PLEKHG1: variants seen among roughly 807,000 people sequenced by gnomAD.
PLEKHG1 encodes pleckstrin homology and RhoGEF domain containing G1.
A neutral mutation model predicts 100.8 loss-of-function variants in PLEKHG1; 44 were observed. That is an observed-to-expected ratio of 0.44 (90% confidence interval 0.34 to 0.56). The LOEUF (loss-of-function observed/expected upper bound fraction) is 0.56, where lower values mean the gene tolerates loss of function less well. PLEKHG1 is among the 20% of genes least tolerant of loss of function. The pLI is 0.01. For missense variants in PLEKHG1, 1,545 were observed against 1,720.9 expected (o/e 0.90, Z 1.81); for synonymous variants, 640 against 662.5 (o/e 0.97, Z 0.52).
At chr6:150,671,866 C>G (rs1562425697) in intron 3 of PLEKHG1, among the ~76,000 whole-genome samples, 1 of 152,158 alleles carries the variant, frequency 6.6e-6, no homozygotes, top group Non-Finnish European at 1.5e-5. Flanking sequence ...AGGACTAGCT[C>G]TTGCACAGCC....
At chr6:150,821,487 T>G (rs1416221115) in intron 13 of PLEKHG1, among the ~76,000 whole-genome samples, 1 of 152,020 alleles carries the variant, frequency 6.6e-6, no homozygotes, top group African/African-American at 2.4e-5. Flanking sequence ...ACTTCGAGAC[T>G]AGCCTGGCCA....
chr6:150,649,539 A>T (rs1778629865), intron 2 of PLEKHG1, among the ~76,000 whole-genome samples: 1 of 152,204 alleles, frequency 6.6e-6, no homozygotes, highest in African/African-American at 2.4e-5. Flanking sequence ...TTTTAATTTT[A>T]AAACTCTGCA....
intron 2 of PLEKHG1, among the ~76,000 whole-genome samples, chr6:150,754,855 A>G (rs1583061430): frequency 6.6e-6 from 1 of 152,098 alleles, no homozygotes; most frequent in East Asian, 1.9e-4. Context: ...TTATTAGTAG[A>G]GACAGGATTT....
Position 150,622,611 on chromosome 6 carries a change from C to G in PLEKHG1, c.-203-15469C>G, listed in dbSNP as rs1045532760. Among the ~76,000 whole-genome samples, 3 of 152,324 alleles carry G rather than the reference C, an allele frequency of 2.0e-5. No homozygotes were observed. The East Asian group carries it at 5.8e-4, about 29-fold the overall frequency. ...CATTTCCACCCCTCACCAGCCTCCC[C>G]CTCCCAGTGTAGACAGAATTAGTAG... On this transcript the variant is annotated intron_variant, in intron 1 of 3. Transcript: ENST00000367326.
intron 2 of PLEKHG1, among the ~76,000 whole-genome samples, chr6:150,739,675 A>C (rs993109888): frequency 2.0e-5 from 3 of 152,194 alleles, no homozygotes; most frequent in South Asian, 2.1e-4. Context: ...CAAAAAAAAA[A>C]ACAAAAAAAC....
chr6:150,816,023 T>C (rs766415129), intron 10 of PLEKHG1, among the ~76,000 whole-genome samples: 34 of 152,132 alleles, frequency 2.2e-4, no homozygotes, highest in Non-Finnish European at 4.6e-4. Flanking sequence ...CATGGTAATA[T>C]ATAATGAAAT....
intron 1 of PLEKHG1, among the ~76,000 whole-genome samples, chr6:150,723,388 C>T (rs1781799703): frequency 6.6e-6 from 1 of 152,190 alleles, no homozygotes; most frequent in South Asian, 2.1e-4. Flanking sequence ...TAGCCACACA[C>T]TGTGTAGTCC....
At chr6:150,832,292 T>C (rs1776990881) in intron 15 of PLEKHG1, 87 bp downstream of exon 16, 6 of 1,085,112 alleles carry the variant, frequency 5.5e-6, no homozygotes, top group East Asian at 2.4e-5. Context: ...CGGACACACC[T>C]GTGAGAACAC....
intron 3 of PLEKHG1, chr6:150,652,111 G>C (rs114352240): frequency 6.6e-6 from 1 of 152,136 alleles, no homozygotes; most frequent in South Asian, 2.1e-4. Context: ...TATTTTTAAC[G>C]TATTTTTCTT....
At position 150,766,925 on chromosome 6, in the gene PLEKHG1, C is replaced by T. The variant is rs557611308; in HGVS notation, c.412-1713C>T. ...TGGCTTGCACCCTCCACCCCTGCCC[C>T]GCCCCTCATCCTGCCATGCTGTGTG... On this transcript the variant is annotated intron_variant, in intron 2 of 15. Coordinates refer to ENST00000358517, the Ensembl canonical transcript of PLEKHG1. 3.6e-3 allele frequency among the ~76,000 whole-genome samples: 552 copies of T among 152,248 alleles called. 3 individuals are homozygous for T. Among genetic ancestry groups the T allele is most frequent in the Middle Eastern group, 6.8e-3 (2 of 294 alleles).
chr6:150,677,370 C>T (rs1461747548), intron 3 of PLEKHG1, among the ~76,000 whole-genome samples: 1 of 152,018 alleles, frequency 6.6e-6, no homozygotes, highest in African/African-American at 2.4e-5. Context: ...TGGATAGGCA[C>T]CATGAGTCTT....
intron 1 of PLEKHG1, among the ~76,000 whole-genome samples, chr6:150,614,079 G>C (rs1776961074): frequency 6.6e-6 from 1 of 152,174 alleles, no homozygotes; most frequent in Admixed American, 6.5e-5. Flanking sequence ...GTTATTTTTG[G>C]AAGTCAGCAC....
At chr6:150,739,686 A>C (rs148488798) in intron 2 of PLEKHG1, among the ~76,000 whole-genome samples, 1 of 151,612 alleles carries the variant, frequency 6.6e-6, no homozygotes, top group African/African-American at 2.4e-5. Context: ...ACAAAAAAAC[A>C]AAAAAAACCA....
At chr6:150,806,076 C>T (rs1190617588) in intron 7 of PLEKHG1, among the ~76,000 whole-genome samples, 1 of 152,090 alleles carries the variant, frequency 6.6e-6, no homozygotes, top group African/African-American at 2.4e-5. Flanking sequence ...ACAGAGTGGC[C>T]TTGCCTAACT....
At chr6:150,749,337 G>GC (rs1401268193) in intron 2 of PLEKHG1, among the ~76,000 whole-genome samples, 1 of 152,190 alleles carries the variant, frequency 6.6e-6, no homozygotes, top group Admixed American at 6.5e-5. Flanking sequence ...AGGTGTGAAG[G>GC]GAAGAGCTGG....
At chr6:150,609,320 A>G (rs1262001045) in intron 1 of PLEKHG1, among the ~76,000 whole-genome samples, 1 of 152,180 alleles carries the variant, frequency 6.6e-6, no homozygotes. Context: ...GGGGCATTGT[A>G]TTTGCTTGGG....
chr6:150,801,119 C>T (rs981832310), intron 6 of PLEKHG1, among the ~76,000 whole-genome samples: 2 of 152,170 alleles, frequency 1.3e-5, no homozygotes, highest in Non-Finnish European at 2.9e-5. Flanking sequence ...GAGTGCCTCG[C>T]CCTGTGCACT....
At chr6:150,822,442 A>G (rs1189666519) in intron 13 of PLEKHG1, among the ~76,000 whole-genome samples, 1 of 152,248 alleles carries the variant, frequency 6.6e-6, no homozygotes. Flanking sequence ...TTTCACCTGC[A>G]GAGATGTACT....
chr6:150,789,770 A>T (rs1785860281), intron 4 of PLEKHG1, among the ~76,000 whole-genome samples: 1 of 152,224 alleles, frequency 6.6e-6, no homozygotes. Context: ...TGAGCCAATC[A>T]GAGAAAAGTC....
Sources: gnomAD v4.1 joint callset for allele counts (sites outside exome capture counted in the v4.1 genomes callset) on GRCh38, gnomAD v4.1.1 for gene constraint, MANE v1.5 for transcripts, NCBI Gene and HGNC (gene_info 2026-07-23, HGNC 2026-07-21) for gene names.